The following BAIAP2 variants were observed in gnomAD, a reference collection of about 807,000 sequenced individuals.
BAIAP2 encodes the protein BAR/IMD domain-containing adapter protein 2.
A neutral mutation model predicts 63.0 loss-of-function variants in BAIAP2; 18 were observed. The ratio of observed to expected loss-of-function variants is 0.29; its 90% CI spans 0.20 to 0.42. The LOEUF (loss-of-function observed/expected upper bound fraction) is 0.42. Among genes scored for constraint, BAIAP2 ranks in the 10% least tolerant of loss-of-function variants. The pLI is 1.00. For missense variants in BAIAP2, 610 were observed against 734.3 expected, an observed-to-expected ratio of 0.83 and a Z score of 1.96; for synonymous variants, 386 against 307.6, an observed-to-expected ratio of 1.25 and a Z score of -2.67.
chr17:81,088,649 T>A (rs2056153543), intron 6 of BAIAP2, among the ~76,000 whole-genome samples: 1 of 152,202 alleles, frequency 6.6e-6, no homozygotes. Context: ...CGGAGGGTTC[T>A]TAAAGCTCAT....
At chr17:81,065,777 A>G (rs1048279462) in intron 3 of BAIAP2, among the ~76,000 whole-genome samples, 1 of 152,244 alleles carries the variant, frequency 6.6e-6, no homozygotes, top group Non-Finnish European at 1.5e-5. Flanking sequence ...TACAACGTGT[A>G]CACCTGGGCA....
At chr17:81,111,018 C>G (rs2059864470) in intron 13 of BAIAP2, 1 of 1,600,578 alleles carries the variant, frequency 6.2e-7, no homozygotes, top group Non-Finnish European at 8.5e-7. Context: ...TCCACGGGCC[C>G]TCTGGCCTCA....
intron 12 of BAIAP2, 80 bp downstream of exon 12, chr17:81,106,987 C>T (rs1211900118): frequency 3.9e-5 from 56 of 1,427,500 alleles, no homozygotes; most frequent in South Asian, 2.7e-4. Flanking sequence ...TTGGAGCCTC[C>T]GCTGAGGGGC....
chr17:81,066,651 G>A (rs1021105788), intron 3 of BAIAP2, among the ~76,000 whole-genome samples: 5 of 152,250 alleles, frequency 3.3e-5, no homozygotes, highest in African/African-American at 1.2e-4. Flanking sequence ...CCTTGGTCAT[G>A]TGAACCCCAA....
At chr17:81,101,932 G>A (rs1007129962) in intron 7 of BAIAP2, among the ~76,000 whole-genome samples, 5 of 152,248 alleles carry the variant, frequency 3.3e-5, no homozygotes, top group East Asian at 1.9e-4. Context: ...GGGCGTCTGC[G>A]CCCTCTGGCG....
chr17:81,057,979 C>G lies in BAIAP2; in HGVS notation c.217+12C>G, dbSNP rs768668264. Reference sequence around the variant, plus strand: ...CTCCAAAGAACTCGGTGAGACCCCCCCCCCCCCCCCGCCTGGTAGTCGCCT... The same window carrying G: ...CTCCAAAGAACTCGGTGAGACCCCCGCCCCCCCCCCGCCTGGTAGTCGCCT... On this transcript the variant is annotated intron_variant, in intron 3 of 13. Coordinates refer to ENST00000428708, the MANE Select transcript of BAIAP2 (RefSeq NM_001144888.2). 8 of 1,084,602 alleles carry G rather than the reference C, an allele frequency of 7.4e-6. 1 individual carries two copies. Among genetic ancestry groups the G allele is most frequent in the South Asian group, 1.7e-5 (1 of 57,400 alleles). The allele number at this position is 1,084,602 out of a possible 1,614,324, so 67.2% of individuals were successfully genotyped here. A position where few individuals can be genotyped will look rare whatever the true frequency, so the allele number is the denominator to read the frequency against.
At chr17:81,062,966 G>A (rs2050843438) in intron 3 of BAIAP2, among the ~76,000 whole-genome samples, 1 of 149,818 alleles carries the variant, frequency 6.7e-6, no homozygotes, top group African/African-American at 2.5e-5. Context: ...GTGCTGGGGT[G>A]TTAGGAATTT....
chr17:81,056,074 G>A (rs2049505457), intron 2 of BAIAP2, among the ~76,000 whole-genome samples: 1 of 152,196 alleles, frequency 6.6e-6, no homozygotes, highest in Non-Finnish European at 1.5e-5. Flanking sequence ...GGGGGTCCCA[G>A]GGAGAGCTGC....
At chr17:81,087,946 A>C (rs764329358) in intron 6 of BAIAP2, 11 of 151,850 alleles carry the variant, frequency 7.2e-5, no homozygotes, top group Non-Finnish European at 8.8e-5. Flanking sequence ...TGGCCTTAGT[A>C]TTCCTGCCTG....
chr17:81,079,248 C>T (rs544820221), intron 3 of BAIAP2, among the ~76,000 whole-genome samples: 60 of 152,276 alleles, frequency 3.9e-4, no homozygotes, highest in Admixed American at 1.6e-3. Context: ...CCATCAGCTG[C>T]GCTCAGACCT....
intron 1 of BAIAP2, among the ~76,000 whole-genome samples, chr17:81,038,676 C>T (rs1057030988): frequency 2.6e-5 from 4 of 152,234 alleles, no homozygotes; most frequent in East Asian, 1.9e-4. Flanking sequence ...TAAGGGCTGG[C>T]GCCAGGTGGT....
intron 3 of BAIAP2, among the ~76,000 whole-genome samples, chr17:81,069,825 C>T (rs2052246100): frequency 6.6e-6 from 1 of 152,204 alleles, no homozygotes; most frequent in African/African-American, 2.4e-5. Flanking sequence ...GGAGCCATGC[C>T]CAGGGCACCT....
Position 81,104,574 on chromosome 17 carries a change from G to A in BAIAP2, c.1127G>A (p.Arg376His), listed in dbSNP as rs772247244. The change falls in exon 10 of 14, where the codon CGT becomes CAT. Residue 376 changes from arginine (R) to histidine (H), a missense_variant. This residue lies in a region of BAIAP2 where 67 missense variants were observed against 132.0 expected (regional missense o/e 0.51). Coordinates refer to ENST00000428708, the MANE Select transcript of BAIAP2 (RefSeq NM_001144888.2). The part of the protein sequence containing the change: ...SMAAGLERNG[R>H]MRVKAIFSHA... ...GCAGCCGGCCTGGAGCGCAATGGCCGTATGCGGGTGAAGGCCATCTTCTCC... is the reference window on the plus strand; with the variant it reads ...GCAGCCGGCCTGGAGCGCAATGGCCATATGCGGGTGAAGGCCATCTTCTCC... The A allele has an allele frequency of 1.6e-5, 25 of 1,612,002 alleles. No individual in the cohort carries two copies. Among genetic ancestry groups the A allele is most frequent in the East Asian group, 2.2e-5 (1 of 44,878 alleles).
chr17:81,112,381 G>T (rs2060022839), intron 13 of BAIAP2, among the ~76,000 whole-genome samples: 1 of 152,264 alleles, frequency 6.6e-6, no homozygotes, highest in African/African-American at 2.4e-5. Flanking sequence ...CACGCAGTCT[G>T]CCTGGTCTGA....
intron 10 of BAIAP2, among the ~76,000 whole-genome samples, 176 bp downstream of exon 10, chr17:81,104,891 C>T (rs2058937600): frequency 6.6e-6 from 1 of 152,106 alleles, no homozygotes; most frequent in Admixed American, 6.5e-5. Flanking sequence ...TCGCCACCAA[C>T]AGGCGTCTTC....
At chr17:81,090,419 C>G (rs2056516912) in intron 6 of BAIAP2, among the ~76,000 whole-genome samples, 2 of 152,194 alleles carry the variant, frequency 1.3e-5, no homozygotes, top group African/African-American at 4.8e-5. Flanking sequence ...GGCTTCAACT[C>G]TTAACCACAC....
At chr17:81,072,806 A>C (rs942286540) in intron 3 of BAIAP2, among the ~76,000 whole-genome samples, 1 of 151,710 alleles carries the variant, frequency 6.6e-6, no homozygotes, top group Non-Finnish European at 1.5e-5. Context: ...TTGGTGTCAG[A>C]GTGGGGCTGT....
intron 13 of BAIAP2, chr17:81,109,991 T>G (rs1011722103): frequency 6.8e-5 from 67 of 985,200 alleles, no homozygotes; most frequent in Non-Finnish European, 7.8e-5. Context: ...TCCTAAACGC[T>G]CTCGTCTTTT....
intron 3 of BAIAP2, among the ~76,000 whole-genome samples, chr17:81,079,674 C>G (rs954175581): frequency 2.6e-5 from 4 of 152,234 alleles, no homozygotes; most frequent in African/African-American, 9.6e-5. Flanking sequence ...TCACCCCCAA[C>G]ACCCCAGATC....
Sources: gnomAD v4.1 joint callset for allele counts (sites outside exome capture counted in the v4.1 genomes callset) on GRCh38, gnomAD v4.1.1 for gene constraint, gnomAD v4.1.1 regional missense constraint, MANE v1.5 for transcripts, NCBI Gene and HGNC (gene_info 2026-07-23, HGNC 2026-07-21) for gene names.